Variants in ZNF496 observed in about 807,000 individuals in gnomAD.
ZNF496 encodes the protein zinc finger protein 496, also known as NSD1 (nuclear receptor binding SET-domain containing 1)-interacting zinc finger protein 1.
A neutral mutation model predicts 58.9 loss-of-function variants in ZNF496; 11 were observed. That is an observed-to-expected ratio of 0.19 (90% CI 0.12 to 0.31). The LOEUF is 0.31. Ranked by LOEUF, ZNF496 falls within the 10% of genes least tolerant of loss-of-function variation. The probability of loss-of-function intolerance (pLI) is 1.00; values close to 1 mark genes in which losing one functional copy is unlikely to be tolerated. For missense variants in ZNF496, 660 were observed against 783.0 expected (o/e 0.84, Z 1.88); for synonymous variants, 338 against 318.2 (o/e 1.06, Z -0.66).
chr1:247,310,158 G>A, intron 7 of ZNF496, 166 bp downstream of exon 7: 2 of 1,450,482 alleles, frequency 1.4e-6, no homozygotes, highest in Non-Finnish European at 1.8e-6. Flanking sequence ...CTGCCTGTAG[G>A]GCCGCTGTGT....
Position 247,310,000 on chromosome 1 carries a change from G to A in ZNF496, c.785-194C>T. The A allele has an allele frequency of 7.2e-7, 1 of 1,391,880 alleles. No individual in the cohort carries two copies. The highest frequency in any genetic ancestry group is 9.4e-7 in the Non-Finnish European group (1 of 1,060,590). The allele number at this position is 1,391,880 out of a possible 1,614,324, so 86.2% of individuals were successfully genotyped here. A position where few individuals can be genotyped will look rare whatever the true frequency, so the allele number is the denominator to read the frequency against. On this transcript the variant is annotated intron_variant, in intron 7 of 9. Transcript: ENST00000682384. The surrounding 1 kb of genome is among the most constrained non-coding windows in gnomAD (Gnocchi z 4.3). ...ACGCAGGGAGAGCTATGGGCTTGGG[G>A]GTCTCTCTGAGGCTTTCGGGTGTAA...
intron 6 of ZNF496, among the ~76,000 whole-genome samples, chr1:247,322,480 A>C (rs1267583974): frequency 1.3e-5 from 2 of 152,118 alleles, no homozygotes; most frequent in African/African-American, 4.8e-5. Flanking sequence ...GTCATAACTA[A>C]ATCTTGTGCC....
At position 247,308,649 on chromosome 1, in the gene ZNF496, G is replaced by T; in HGVS notation, c.893-61C>A. The T allele has an allele frequency of 6.7e-7, 1 of 1,486,866 alleles. No homozygotes were observed. The highest frequency in any genetic ancestry group is 9.4e-7 in the Non-Finnish European group (1 of 1,067,702). The allele number at this position is 1,486,866 out of a possible 1,614,324, so 92.1% of individuals were successfully genotyped here. A position where few individuals can be genotyped will look rare whatever the true frequency, so the allele number is the denominator to read the frequency against. ...TTGCACCTACAGCACTACCTGGGAG[G>T]GTGCTATCCGAATAGATGCCAGGCT... On this transcript the variant is annotated intron_variant, in intron 8 of 9. Coordinates refer to ENST00000682384, the MANE Select transcript of ZNF496 (RefSeq NM_032752.3). This position sits in a 1 kb window ranked among gnomAD's most constrained non-coding sequence, Gnocchi z 4.5.
In ZNF496 at chr1:247,328,667, C is replaced by A. The variant is rs747692501; in HGVS notation, c.574+16G>T. On this transcript the variant is annotated intron_variant, in intron 5 of 9. Coordinates refer to ENST00000682384, the MANE Select transcript of ZNF496 (RefSeq NM_032752.3). ...TTCCCCAGATCACCCCTGCTACACT[C>A]CCCTGGGCTGCATACCTGGGTCCCC... 6.4e-7 allele frequency: 1 copy of A among 1,565,110 alleles called. No homozygotes were observed. Among genetic ancestry groups the A allele is most frequent in the Non-Finnish European group, 8.7e-7 (1 of 1,155,920 alleles).
intron 9 of ZNF496, among the ~76,000 whole-genome samples, chr1:247,303,368 G>A (rs2103016156): frequency 6.6e-6 from 1 of 152,324 alleles, no homozygotes; most frequent in Admixed American, 6.5e-5. Flanking sequence ...ACCTTGTTAT[G>A]GTAGCCACAG....
intron 6 of ZNF496, chr1:247,312,820 T>C (rs1004552975): frequency 2.0e-5 from 3 of 152,124 alleles, no homozygotes; most frequent in Non-Finnish European, 4.4e-5. Flanking sequence ...TCAAAACTCT[T>C]CTAGCCTCTA....
Position 247,309,802 on chromosome 1 carries a change from G to A in ZNF496, c.789C>T (p.Asp263=), listed in dbSNP as rs1186171426. ...GGGAGAGATCTGGCTGGGCAGCTAG[G>A]TCGTCTGTTCAAAGAAAAAGGCAGG... is the stretch of plus-strand genomic sequence containing the variant. ...EDYGVSMPPN[D]LAAQPDLSQG... The change falls in exon 8 of 10, where the codon GAC becomes GAT. Residue 263 remains aspartate, a synonymous_variant. Coordinates refer to ENST00000682384, the MANE Select transcript of ZNF496 (RefSeq NM_032752.3). The surrounding 1 kb of genome is among the most constrained non-coding windows in gnomAD (Gnocchi z 4.3). The A allele has an allele frequency of 1.9e-6, 3 of 1,614,164 alleles. No individual in the cohort carries two copies. Among genetic ancestry groups the A allele is most frequent in the East Asian group, 2.2e-5 (1 of 44,874 alleles).
Position 247,301,140 on chromosome 1 carries a change from C to T in ZNF496, c.1143G>A (p.Lys381=). ...CTEELGSPTE[K]QRSLPASHRS... Reference sequence around the variant, plus strand: ...GGTGGGAGGCGGGGAGGCTGCGCTGCTTCTCTGTGGGGCTCCCCAGCTCTT... The same window carrying T: ...GGTGGGAGGCGGGGAGGCTGCGCTGTTTCTCTGTGGGGCTCCCCAGCTCTT... Residue 381 remains lysine (K), a synonymous_variant, in exon 10 of 10, where the codon AAG becomes AAA. Coordinates refer to ENST00000682384, the MANE Select transcript of ZNF496 (RefSeq NM_032752.3). The T allele has an allele frequency of 6.2e-7, 1 of 1,613,614 alleles. No homozygotes were observed. The highest frequency in any genetic ancestry group is 8.5e-7 in the Non-Finnish European group (1 of 1,179,880).
chr1:247,329,041 G>A lies in ZNF496; in HGVS notation c.390+148C>T, dbSNP rs560612644. On this transcript the variant is annotated intron_variant, in intron 4 of 9. Transcript: ENST00000682384. The surrounding 1 kb of genome is among the most constrained non-coding windows in gnomAD (Gnocchi z 5.5). ...ATTAGAGCCTTCAGGGAGTAAAACTGGCTTTCTTAGGAAACTCTAGTCTGG... is the reference window on the plus strand; with the variant it reads ...ATTAGAGCCTTCAGGGAGTAAAACTAGCTTTCTTAGGAAACTCTAGTCTGG... 2.9e-5 allele frequency: 42 copies of A among 1,425,972 alleles called. No individual in the cohort carries two copies. Among genetic ancestry groups the A allele is most frequent in the South Asian group, 6.3e-5 (5 of 78,850 alleles). The allele number at this position is 1,425,972 out of a possible 1,614,324, so 88.3% of individuals were successfully genotyped here.
chr1:247,328,748 G>A lies in ZNF496; in HGVS notation c.509C>T (p.Pro170Leu). The A allele has an allele frequency of 6.2e-7, 1 of 1,613,688 alleles. No individual in the cohort carries two copies. The highest frequency in any genetic ancestry group is 8.5e-7 in the Non-Finnish European group (1 of 1,179,856). The change falls in exon 5 of 10, where the codon CCC (proline) becomes CTC (leucine). Residue 170 changes from proline to leucine, a missense_variant. Pro to Leu is a moderately conservative substitution (Grantham distance 98). Coordinates refer to ENST00000682384, the MANE Select transcript of ZNF496 (RefSeq NM_032752.3). ...CCCCAGGCACTGTGCCAGGGTTATGGGCTGGGCATCCTGGTTCTTTGCAAG... is the reference window on the plus strand; with the variant it reads ...CCCCAGGCACTGTGCCAGGGTTATGAGCTGGGCATCCTGGTTCTTTGCAAG... ...SDLAKNQDAQPITLAQCLGLP... is the reference protein window; with the variant it reads ...SDLAKNQDAQLITLAQCLGLP...
chr1:247,316,571 G>A (rs747117320), intron 6 of ZNF496, among the ~76,000 whole-genome samples: 13 of 152,106 alleles, frequency 8.5e-5, no homozygotes, highest in Non-Finnish European at 1.8e-4. Flanking sequence ...GCCCCCACCA[G>A]CACGAACGCT....
chr1:247,299,964 G>C lies in ZNF496; in HGVS notation c.*555C>G, dbSNP rs1659180119. Reference sequence around the variant, plus strand: ...CCTACCTGATGGCCACGAATCTGGGGCTCAGACATGACATGTCTGGCTCAG... The same window carrying C: ...CCTACCTGATGGCCACGAATCTGGGCCTCAGACATGACATGTCTGGCTCAG... On this transcript the variant is annotated 3_prime_UTR_variant, in exon 10 of 10. Coordinates refer to ENST00000682384, the MANE Select transcript of ZNF496 (RefSeq NM_032752.3). 6.6e-6 allele frequency: 1 copy of C among 152,428 alleles called. No individual in the cohort carries two copies. Among genetic ancestry groups the C allele is most frequent in the South Asian group, 2.1e-4 (1 of 4,824 alleles). The allele number at this position is 152,428 out of a possible 1,614,324, so 9.4% of individuals were successfully genotyped here.
In ZNF496 at chr1:247,309,615, G is replaced by C; in HGVS notation, c.892+84C>G. 1 of 1,567,190 alleles carries C rather than the reference G, an allele frequency of 6.4e-7. No homozygotes were observed. Among genetic ancestry groups the C allele is most frequent in the South Asian group, 1.2e-5 (1 of 84,884 alleles). On this transcript the variant is annotated intron_variant, in intron 8 of 9. Coordinates refer to ENST00000682384, the MANE Select transcript of ZNF496 (RefSeq NM_032752.3). This position sits in a 1 kb window ranked among gnomAD's most constrained non-coding sequence, Gnocchi z 4.3. ...GAAGAAGGCAATTAGGGGCCGCAGA[G>C]AGAAGCCAGAGAGTGGGCTCACCTC...
At chr1:247,305,101 T>C (rs898914952) in intron 9 of ZNF496, among the ~76,000 whole-genome samples, 7 of 152,092 alleles carry the variant, frequency 4.6e-5, no homozygotes, top group Non-Finnish European at 1.0e-4. Context: ...TATTTGAAGA[T>C]AGGCTCTTTC....
chr1:247,319,330 A>G (rs538382641), intron 6 of ZNF496, among the ~76,000 whole-genome samples: 91 of 152,232 alleles, frequency 6.0e-4, no homozygotes, highest in Non-Finnish European at 1.2e-3. Flanking sequence ...TGATAAAATG[A>G]TACTCAGTAG....
chr1:247,330,562 A>C (rs1291690053), intron 2 of ZNF496, among the ~76,000 whole-genome samples: 3 of 152,200 alleles, frequency 2.0e-5, no homozygotes, highest in Admixed American at 2.0e-4. Context: ...GCAGACAACT[A>C]GCCGACACTT....
At chr1:247,315,867 CAGT>C (rs1162282510) in intron 6 of ZNF496, among the ~76,000 whole-genome samples, 1 of 152,172 alleles carries the variant, frequency 6.6e-6, no homozygotes, top group Non-Finnish European at 1.5e-5. Flanking sequence ...AACTCTGACT[CAGT>C]AGGTCGGGGT....
rs1370759901 is a variant in ZNF496, at chr1:247,329,667, T to C, written c.-37-52A>G. On this transcript the variant is annotated intron_variant, in intron 3 of 9. Transcript: ENST00000682384. The surrounding 1 kb of genome is among the most constrained non-coding windows in gnomAD (Gnocchi z 5.5). ...TCAGTGTTCTGGTCTCCTGTGGTCA[T>C]TTCTGGGGGACAGTGACAAGGAAAC... 2.7e-6 allele frequency: 4 copies of C among 1,473,356 alleles called. No individual in the cohort carries two copies. In the Admixed American group the frequency reaches 9.4e-5, roughly 35 times the overall value. The allele number at this position is 1,473,356 out of a possible 1,614,324, so 91.3% of individuals were successfully genotyped here.
intron 9 of ZNF496, chr1:247,307,349 G>C: frequency 3.0e-6 from 3 of 985,466 alleles, no homozygotes; most frequent in Non-Finnish European, 3.6e-6. Flanking sequence ...CTGTGTCAGA[G>C]TCCAGCAAGG....
Sources: allele counts gnomAD v4.1 joint callset (sites outside exome capture counted in the v4.1 genomes callset), GRCh38; gene constraint gnomAD v4.1.1; non-coding constraint Gnocchi (gnomAD v3.1); transcripts MANE v1.5; gene names NCBI Gene and HGNC (gene_info 2026-07-23, HGNC 2026-07-21).